Variants in MARCHF1 observed in about 807,000 individuals in gnomAD.
MARCHF1 encodes the protein membrane associated ring-CH-type finger 1, also known as E3 ubiquitin-protein ligase MARCHF1.
In MARCHF1, 40 loss-of-function variants were observed where a neutral mutation model predicts 54.2. That is an observed-to-expected ratio of 0.74 (90% CI 0.57 to 0.96). The LOEUF is 0.96. Among genes scored for constraint, MARCHF1 ranks in the 40% least tolerant of loss-of-function variants. The pLI is 0.00. For missense variants in MARCHF1, 586 were observed against 656.5 expected (o/e 0.89, Z 1.17); for synonymous variants, 236 against 236.3 (o/e 1.00, Z 0.01).
chr4:164,126,325 T>C (rs1047418476), intron 1 of MARCHF1, among the ~76,000 whole-genome samples: 2 of 152,128 alleles, frequency 1.3e-5, no homozygotes, highest in African/African-American at 4.8e-5. Context: ...GAGAGAGACA[T>C]TTATGAACCA....
intron 4 of MARCHF1, among the ~76,000 whole-genome samples, chr4:163,776,373 A>G (rs1439049425): frequency 8.6e-5 from 13 of 150,582 alleles, no homozygotes; most frequent in Non-Finnish European, 1.3e-4. Flanking sequence ...TATATAATTT[A>G]ATTTATAAAT....
chr4:163,578,070 TG>T (rs565009094), intron 8 of MARCHF1, among the ~76,000 whole-genome samples: 33 of 152,094 alleles, frequency 2.2e-4, no homozygotes, highest in Middle Eastern at 3.4e-3. Context: ...TCTAACTTGA[TG>T]TTTTTTTATG....
intron 3 of MARCHF1, among the ~76,000 whole-genome samples, chr4:163,872,968 C>T (rs1330104768): frequency 2.0e-5 from 3 of 151,944 alleles, no homozygotes; most frequent in African/African-American, 4.8e-5. Context: ...GGCGTGAACC[C>T]TGGAGGCGGA....
intron 3 of MARCHF1, among the ~76,000 whole-genome samples, chr4:163,864,145 AC>A (rs1750001313): frequency 6.6e-6 from 1 of 152,038 alleles, no homozygotes; most frequent in South Asian, 2.1e-4. Flanking sequence ...GTACATAGAA[AC>A]TGCCTTCCGA....
At position 163,585,802 on chromosome 4, in the gene MARCHF1, C is replaced by G; in HGVS notation, c.1138G>C (p.Glu380Gln). ...ATTATGAAGTCATACTTGCAGAGCTCACAGCAGCGTGTATCTGAGCTCTTT... is the reference window on the plus strand; with the variant it reads ...ATTATGAAGTCATACTTGCAGAGCTGACAGCAGCGTGTATCTGAGCTCTTT... ...WIKSSDTRCC[E>Q]LCKYDFIMET... The change falls in exon 8 of 10, where the codon GAG becomes CAG. Residue 380 changes from glutamate to glutamine, a missense_variant. Around this residue, in one of 3 missense-constraint regions of MARCHF1, gnomAD observed 93 missense variants for 168.2 expected, o/e 0.55. Coordinates refer to ENST00000514618, the MANE Select transcript of MARCHF1 (RefSeq NM_001394959.1). 6.2e-7 allele frequency: 1 copy of G among 1,613,714 alleles called. No individual in the cohort carries two copies. The highest frequency in any genetic ancestry group is 8.5e-7 in the Non-Finnish European group (1 of 1,179,802).
intron 9 of MARCHF1, among the ~76,000 whole-genome samples, chr4:163,536,917 T>A (rs1738555551): frequency 6.6e-6 from 1 of 152,108 alleles, no homozygotes; most frequent in South Asian, 2.1e-4. Flanking sequence ...CTCCATTAAG[T>A]TTAGAGTGCA....
rs190479837 is a variant in MARCHF1 at position 163,679,802 on chromosome 4, C to T, written c.162+21011G>A. ...TAATTTTTTGTATTTTTAGTAGAGA[C>T]GGGGTTTCACCGTGGTCTCGATCTC... On this transcript the variant is annotated intron_variant, in intron 5 of 9. Transcript: ENST00000514618. Among the ~76,000 whole-genome samples the T allele has an allele frequency of 8.6e-3, 1,309 of 151,546 alleles. 9 individuals are homozygous for T. Among genetic ancestry groups the T allele is most frequent in the Non-Finnish European group, 0.012 (841 of 67,814 alleles).
intron 2 of MARCHF1, among the ~76,000 whole-genome samples, chr4:164,029,012 G>A (rs6536772): frequency 0.39 from 59,160 of 151,950 alleles, 12,087 homozygotes; most frequent in Middle Eastern, 0.55. Context: ...TACTTGAGGT[G>A]ATTTTCTTAG....
At chr4:163,706,213 C>CT (rs1403996103) in intron 4 of MARCHF1, among the ~76,000 whole-genome samples, 1 of 151,938 alleles carries the variant, frequency 6.6e-6, no homozygotes, top group Non-Finnish European at 1.5e-5. Flanking sequence ...TTCTTACATG[C>CT]TTTTTTCCTA....
intron 4 of MARCHF1, among the ~76,000 whole-genome samples, chr4:163,802,969 A>T (rs1320142595): frequency 1.3e-5 from 2 of 152,114 alleles, no homozygotes; most frequent in African/African-American, 4.8e-5. Flanking sequence ...AAAGGTACTC[A>T]TTCACTATCT....
At position 164,308,520 on chromosome 4, in the gene MARCHF1, C is replaced by T. The variant is rs991242752; in HGVS notation, c.-323+75350G>A. Among the ~76,000 whole-genome samples, 4 of 152,050 alleles carry T rather than the reference C, an allele frequency of 2.6e-5. No homozygotes were observed. In the South Asian group the frequency reaches 8.3e-4, roughly 32 times the overall value. On this transcript the variant is annotated intron_variant, in intron 1 of 9. Coordinates refer to ENST00000514618, the MANE Select transcript of MARCHF1 (RefSeq NM_001394959.1). ...TTTCTTAGAAAATCAGCTCACCTTG[C>T]ACTCCTTGCAGTTCTCTGCTTACTT...
chr4:163,951,508 T>C (rs1368535092), intron 3 of MARCHF1, among the ~76,000 whole-genome samples: 2 of 152,268 alleles, frequency 1.3e-5, no homozygotes, highest in East Asian at 3.9e-4. Flanking sequence ...TAAGAGGGAA[T>C]GAGAGAAAAG....
intron 9 of MARCHF1, among the ~76,000 whole-genome samples, chr4:163,533,503 TTAA>T (rs1174299911): frequency 6.6e-6 from 1 of 151,748 alleles, no homozygotes; most frequent in African/African-American, 2.4e-5. Flanking sequence ...ACTATGAACT[TTAA>T]TAATGTAAGA....
chr4:164,247,610 TA>T (rs56892152), intron 1 of MARCHF1, among the ~76,000 whole-genome samples: 54 of 130,348 alleles, frequency 4.1e-4, no homozygotes, highest in African/African-American at 1.2e-3. Context: ...AGTATAATAA[TA>T]AAAAAAAAAA....
intron 1 of MARCHF1, among the ~76,000 whole-genome samples, chr4:164,335,285 T>C (rs1729700216): frequency 6.6e-6 from 1 of 152,130 alleles, no homozygotes; most frequent in Admixed American, 6.5e-5. Context: ...AAATTCATTG[T>C]CGTATTTAAG....
intron 3 of MARCHF1, among the ~76,000 whole-genome samples, chr4:163,855,815 C>T (rs1749754669): frequency 6.6e-6 from 1 of 152,108 alleles, no homozygotes; most frequent in Admixed American, 6.5e-5. Flanking sequence ...TTCTTATTTC[C>T]CATTTAGATT....
intron 1 of MARCHF1, among the ~76,000 whole-genome samples, chr4:164,232,182 T>C (rs1732431454): frequency 6.7e-6 from 1 of 148,428 alleles, no homozygotes; most frequent in African/African-American, 2.6e-5. Context: ...TCATTCATCA[T>C]TTTTTTTCTA....
chr4:163,817,972 G>T (rs192492259), intron 4 of MARCHF1, among the ~76,000 whole-genome samples: 1 of 97,204 alleles, frequency 1.0e-5, no homozygotes, highest in Admixed American at 1.2e-4. Context: ...GGGGTGGGGG[G>T]AGGGGGGAGG....
At chr4:164,152,435 C>T (rs1468994256) in intron 1 of MARCHF1, among the ~76,000 whole-genome samples, 1 of 152,116 alleles carries the variant, frequency 6.6e-6, no homozygotes, top group East Asian at 1.9e-4. Flanking sequence ...CAGGAATTCT[C>T]ATCAGATGGG....
Sources: gnomAD v4.1 joint callset for allele counts (sites outside exome capture counted in the v4.1 genomes callset) on GRCh38, gnomAD v4.1.1 for gene constraint, gnomAD v4.1.1 regional missense constraint, MANE v1.5 for transcripts, NCBI Gene and HGNC (gene_info 2026-07-23, HGNC 2026-07-21) for gene names.